CALN1: variants seen among roughly 807,000 people sequenced by gnomAD.
CALN1 encodes calcium-binding protein 8.
In CALN1, 17 loss-of-function variants were observed where a neutral mutation model predicts 30.6. That is an observed-to-expected ratio of 0.56 (90% confidence interval 0.38 to 0.83). CALN1 has a LOEUF of 0.83. Among genes scored for constraint, CALN1 ranks in the 40% least tolerant of loss-of-function variants. The pLI is 0.00. For synonymous variants in CALN1, 156 were observed against 131.4 expected (o/e 1.19, Z -1.28); for missense variants, 291 against 354.9 (o/e 0.82, Z 1.45).
intron 5 of CALN1, among the ~76,000 whole-genome samples, chr7:71,866,063 T>C (rs765230298): frequency 2.4e-4 from 36 of 152,096 alleles, no homozygotes; most frequent in Non-Finnish European, 4.6e-4. Flanking sequence ...TGGAGTGCAG[T>C]GGCATGATCT....
chr7:72,041,669 C>G (rs372285602), intron 4 of CALN1, among the ~76,000 whole-genome samples: 2 of 152,258 alleles, frequency 1.3e-5, no homozygotes, highest in East Asian at 3.9e-4. Flanking sequence ...CAGGTGTGAG[C>G]CACCACACCT....
At chr7:72,483,273 T>C in the CALN1 span, among the ~76,000 whole-genome samples, 1 of 142,972 alleles carries the variant, frequency 7.0e-6, no homozygotes, top group South Asian at 2.2e-4. Flanking sequence ...TTTTCCTTTT[T>C]CTTTTTCTTT....
chr7:72,098,760 GCGCGCACACA>G (rs1057042935), intron 4 of CALN1, among the ~76,000 whole-genome samples: 22 of 101,366 alleles, frequency 2.2e-4, no homozygotes, highest in South Asian at 1.6e-3. Flanking sequence ...AGCCCATTTG[GCGCGCACACA>G]CACACACACA....
At chr7:72,131,129 G>C (rs2129542814) in intron 3 of CALN1, among the ~76,000 whole-genome samples, 1 of 152,312 alleles carries the variant, frequency 6.6e-6, no homozygotes, top group African/African-American at 2.4e-5. Flanking sequence ...AAGGGGCAGA[G>C]TGGAGAGAGA....
chr7:72,007,283 C>T (rs138245371), intron 5 of CALN1, among the ~76,000 whole-genome samples: 2,238 of 152,304 alleles, frequency 0.015, 44 homozygotes, highest in African/African-American at 0.052. Context: ...AAGTGGCTTG[C>T]GCTTGCAATC....
intron 2 of CALN1, among the ~76,000 whole-genome samples, chr7:72,326,099 C>G (rs767335553): frequency 8.5e-5 from 13 of 152,214 alleles, no homozygotes; most frequent in Non-Finnish European, 1.8e-4. Context: ...GACGCAGTTT[C>G]ACCATGTTGG....
chr7:71,787,654 T>C lies in CALN1; in HGVS notation c.*121A>G. 7.1e-7 allele frequency: 1 copy of C among 1,409,568 alleles called. No individual in the cohort carries two copies. The highest frequency in any genetic ancestry group is 9.5e-7 in the Non-Finnish European group (1 of 1,050,962). The allele number at this position is 1,409,568 out of a possible 1,614,324, so 87.3% of individuals were successfully genotyped here. A position where few individuals can be genotyped will look rare whatever the true frequency, so the allele number is the denominator to read the frequency against. ...CAACCTTGGGTTCTTTACTGAACGGTTCCATCGTCCGCATCCATCCATAGT... is the reference window on the plus strand; with the variant it reads ...CAACCTTGGGTTCTTTACTGAACGGCTCCATCGTCCGCATCCATCCATAGT... On this transcript the variant is annotated 3_prime_UTR_variant, in exon 7 of 7. Coordinates refer to ENST00000395275, the MANE Select transcript of CALN1 (RefSeq NM_031468.4).
chr7:71,885,568 T>C (rs1026610837), intron 5 of CALN1, among the ~76,000 whole-genome samples: 1 of 152,270 alleles, frequency 6.6e-6, no homozygotes, highest in Non-Finnish European at 1.5e-5. Context: ...CTGAAAGCTG[T>C]GTTCACTCAT....
At chr7:72,429,644 T>C (rs2968505) in intron 1 of CALN1, among the ~76,000 whole-genome samples, 121,801 of 150,926 alleles carry the variant, frequency 0.81, 49,349 homozygotes, top group East Asian at 1. Flanking sequence ...AAACAAAAAC[T>C]TCTCACATTC....
At chr7:71,840,005 GA>G (rs1315114309) in intron 5 of CALN1, among the ~76,000 whole-genome samples, 1 of 152,206 alleles carries the variant, frequency 6.6e-6, no homozygotes, top group African/African-American at 2.4e-5. Context: ...AAGGCAGGGA[GA>G]GGGGGCTCAA....
intron 5 of CALN1, among the ~76,000 whole-genome samples, chr7:71,906,953 A>T (rs908234486): frequency 6.6e-6 from 1 of 152,178 alleles, no homozygotes; most frequent in African/African-American, 2.4e-5. Flanking sequence ...GCATCTGGGC[A>T]TCTAGATGAG....
At chr7:72,019,651 A>T (rs1584757940) in intron 5 of CALN1, among the ~76,000 whole-genome samples, 1 of 152,110 alleles carries the variant, frequency 6.6e-6, no homozygotes, top group East Asian at 1.9e-4. Context: ...CAGCCAGGTG[A>T]GTGAGCCACC....
intron 2 of CALN1, chr7:72,336,960 G>A (rs1213210788): frequency 1.0e-6 from 1 of 985,052 alleles, no homozygotes; most frequent in Non-Finnish European, 1.2e-6. Flanking sequence ...CGTCGACTCG[G>A]AGCGCGATCT....
chr7:72,052,519 C>T (rs1310025852), intron 4 of CALN1, among the ~76,000 whole-genome samples: 2 of 152,006 alleles, frequency 1.3e-5, no homozygotes, highest in Non-Finnish European at 1.5e-5. Context: ...CTCTATAGCC[C>T]GTGTCTCCTG....
chr7:71,787,912 G>A lies in CALN1; in HGVS notation c.659-10C>T. 1 of 1,614,000 alleles carries A rather than the reference G, an allele frequency of 6.2e-7. No individual in the cohort carries two copies. The highest frequency in any genetic ancestry group is 8.5e-7 in the Non-Finnish European group (1 of 1,179,978). ...TGCTTCTGGGAATGCACTGGTGGTG[G>A]GAGAAGCAGGTGTGGGAAGAAGGAA... On this transcript the variant is annotated splice_polypyrimidine_tract_variant and intron_variant, in intron 6 of 6. Transcript: ENST00000395275.
At chr7:72,213,445 A>G (rs1792553244) in intron 3 of CALN1, among the ~76,000 whole-genome samples, 1 of 152,186 alleles carries the variant, frequency 6.6e-6, no homozygotes, top group Non-Finnish European at 1.5e-5. Context: ...TGGGAGTGAG[A>G]ACGGGAAATG....
chr7:72,224,837 C>G (rs917569460), intron 3 of CALN1, among the ~76,000 whole-genome samples: 13 of 151,264 alleles, frequency 8.6e-5, no homozygotes, highest in Non-Finnish European at 1.0e-4. Context: ...GCCTGTAATC[C>G]CAGCACTTTG....
the CALN1 span, among the ~76,000 whole-genome samples, chr7:72,464,558 G>A: frequency 1.3e-5 from 2 of 152,054 alleles, no homozygotes; most frequent in African/African-American, 4.8e-5. Context: ...TGTGGTCAAG[G>A]TCCCACCAAG....
chr7:71,969,279 G>A (rs1387918806), intron 5 of CALN1, among the ~76,000 whole-genome samples: 1 of 151,992 alleles, frequency 6.6e-6, no homozygotes, highest in Non-Finnish European at 1.5e-5. Flanking sequence ...TTAGCAAGCA[G>A]GGCACTGGGT....
Sources: allele counts gnomAD v4.1 joint callset (sites outside exome capture counted in the v4.1 genomes callset), GRCh38; gene constraint gnomAD v4.1.1; transcripts MANE v1.5; gene names NCBI Gene and HGNC (gene_info 2026-07-23, HGNC 2026-07-21).